The following CELSR1 variants were observed in gnomAD, a reference collection of about 807,000 sequenced individuals.
The protein encoded by CELSR1 is adhesion G protein-coupled receptor C1.
Under a neutral mutation model 249.1 loss-of-function variants are expected in CELSR1, and 110 were observed. The observed-to-expected ratio is 0.44, with a 90% CI of 0.38 to 0.52. The LOEUF (loss-of-function observed/expected upper bound fraction) is 0.52. Among genes scored for constraint, CELSR1 ranks in the 20% least tolerant of loss-of-function variants. The pLI, the probability that CELSR1 is intolerant of heterozygous loss-of-function variation, is 0.00. For missense variants in CELSR1, 4,109 were observed against 4,296.4 expected (o/e 0.96, Z 1.22); for synonymous variants, 2,113 against 1,900.0 (o/e 1.11, Z -2.92).
chr22:46,383,952 A>G (rs1016599913), intron 20 of CELSR1, among the ~76,000 whole-genome samples: 6 of 151,788 alleles, frequency 4.0e-5, no homozygotes, highest in Non-Finnish European at 5.9e-5. Context: ...GCTTGGGAAC[A>G]TTTTGGAATT....
intron 25 of CELSR1, among the ~76,000 whole-genome samples, chr22:46,371,935 A>G (rs1355117469): frequency 7.2e-6 from 1 of 139,800 alleles, no homozygotes; most frequent in Non-Finnish European, 1.5e-5. Context: ...CCATCTGCTC[A>G]CTCACTCAGC....
chr22:46,389,182 C>T, intron 18 of CELSR1, 108 bp downstream of exon 18: 2 of 1,241,296 alleles, frequency 1.6e-6, no homozygotes, highest in Non-Finnish European at 2.3e-6. Context: ...ATCCTGGACA[C>T]AACCGTCTTC....
intron 23 of CELSR1, chr22:46,377,514 G>T: frequency 1.9e-6 from 1 of 534,112 alleles, no homozygotes; most frequent in East Asian, 3.3e-5. Context: ...CTGGCTTGGG[G>T]GCCGTTCAGA....
rs114080778 is a variant in CELSR1 at position 46,454,711 on chromosome 22, G to A, written c.4183+8996C>T. ...CCCTCTGCTCCTGCGCTTAGCGTTC[G>A]CAAAGGTAAACACATCGCAGAAACC... On this transcript the variant is annotated intron_variant, in intron 2 of 34. Coordinates refer to ENST00000674500, the MANE Select transcript of CELSR1 (RefSeq NM_001378328.1). This position sits in a 1 kb window ranked among gnomAD's most constrained non-coding sequence, Gnocchi z 5.1. 5.1e-3 allele frequency among the ~76,000 whole-genome samples: 783 copies of A among 152,348 alleles called. 11 individuals carry two copies. Among genetic ancestry groups the A allele is most frequent in the African/African-American group, 0.018 (742 of 41,584 alleles).
intron 3 of CELSR1, among the ~76,000 whole-genome samples, chr22:46,438,589 A>G (rs978253745): frequency 2.0e-5 from 3 of 152,232 alleles, no homozygotes; most frequent in African/African-American, 7.2e-5. Context: ...ATAATCTCAG[A>G]CATACAGAAT....
chr22:46,420,529 T>G (rs1277452197), intron 5 of CELSR1, among the ~76,000 whole-genome samples: 1 of 152,182 alleles, frequency 6.6e-6, no homozygotes, highest in Non-Finnish European at 1.5e-5. Context: ...TCATTCATAC[T>G]TGCATGTGCA....
intron 13 of CELSR1, among the ~76,000 whole-genome samples, chr22:46,394,779 C>T (rs547736428): frequency 2.6e-5 from 4 of 152,318 alleles, no homozygotes; most frequent in East Asian, 1.9e-4. Flanking sequence ...CTTAGGACGG[C>T]GGCATGCGCC....
rs1328598528 is a variant in CELSR1, at chr22:46,409,098, G to T, written c.5124C>A (p.Ile1708=). ...GCCCCAGGTACCAGGGCACAGAGAT[G>T]ATGATGTTCAGGTCACTCCAGGACA... ...SVVSWSDLNI[I]ISVPWYLGLM... The change falls in exon 9 of 35, where the codon ATC becomes ATA. Residue 1708 remains isoleucine (I), a synonymous_variant. Coordinates refer to ENST00000674500, the MANE Select transcript of CELSR1 (RefSeq NM_001378328.1). This position sits in a 1 kb window ranked among gnomAD's most constrained non-coding sequence, Gnocchi z 9.8. The T allele has an allele frequency of 6.2e-7, 1 of 1,611,910 alleles. No individual in the cohort carries two copies. Among genetic ancestry groups the T allele is most frequent in the South Asian group, 1.1e-5 (1 of 90,898 alleles).
At chr22:46,438,079 C>G (rs1884490386) in intron 3 of CELSR1, among the ~76,000 whole-genome samples, 1 of 152,122 alleles carries the variant, frequency 6.6e-6, no homozygotes, top group Non-Finnish European at 1.5e-5. Context: ...CACACGTACA[C>G]CGCTGGCGAC....
chr22:46,421,899 G>A (rs1025107993), intron 5 of CELSR1, among the ~76,000 whole-genome samples: 3 of 152,210 alleles, frequency 2.0e-5, no homozygotes, highest in Non-Finnish European at 4.4e-5. Context: ...AACACCTGGG[G>A]AGCATCCCCA....
rs929219199 is a variant in CELSR1, at chr22:46,488,760, T to A, written c.3545-24415A>T. On this transcript the variant is annotated intron_variant, in intron 1 of 34. Coordinates refer to ENST00000674500, the MANE Select transcript of CELSR1 (RefSeq NM_001378328.1). The surrounding 1 kb of genome is among the most constrained non-coding windows in gnomAD (Gnocchi z 4.7). ...CTGCAAGCTCCACCTCCCAGGTTCA[T>A]GCCATTCTCCTGCCTCAGCCTCCCG... 2.0e-5 allele frequency among the ~76,000 whole-genome samples: 3 copies of A among 151,524 alleles called. No homozygotes were observed. The highest frequency in any genetic ancestry group is 7.3e-5 in the African/African-American group (3 of 41,192).
At chr22:46,528,167 C>T (rs969226354) in intron 1 of CELSR1, among the ~76,000 whole-genome samples, 1 of 151,920 alleles carries the variant, frequency 6.6e-6, no homozygotes, top group African/African-American at 2.4e-5. Context: ...CGCTGCCATG[C>T]ATCCAGACAA....
intron 1 of CELSR1, among the ~76,000 whole-genome samples, chr22:46,489,073 C>T (rs1231153653): frequency 1.3e-5 from 2 of 152,136 alleles, no homozygotes; most frequent in African/African-American, 4.8e-5. Context: ...CACCTTCCTG[C>T]TGGTCACCCA....
At chr22:46,397,138 C>T (rs1272085163) in intron 12 of CELSR1, among the ~76,000 whole-genome samples, 1 of 152,124 alleles carries the variant, frequency 6.6e-6, no homozygotes, top group African/African-American at 2.4e-5. Context: ...GAGTCTTGCT[C>T]TGTTGCCCAG....
In CELSR1 at chr22:46,430,254, C is replaced by G. The variant is rs2079579467; in HGVS notation, c.4611+3139G>C. Reference sequence around the variant, plus strand: ...GCCCGCACCAATGCTTCCACCCTCTCCAGACTGCTGTATGCTGAATTTTTT... The same window carrying G: ...GCCCGCACCAATGCTTCCACCCTCTGCAGACTGCTGTATGCTGAATTTTTT... On this transcript the variant is annotated intron_variant, in intron 5 of 34. Transcript: ENST00000674500. The surrounding 1 kb of genome is among the most constrained non-coding windows in gnomAD (Gnocchi z 4.6). Among the ~76,000 whole-genome samples, 1 of 152,216 alleles carries G rather than the reference C, an allele frequency of 6.6e-6. No homozygotes were observed. Among genetic ancestry groups the G allele is most frequent in the Non-Finnish European group, 1.5e-5 (1 of 68,044 alleles).
rs181053939 is a variant in CELSR1, at chr22:46,478,325, G to A, written c.3545-13980C>T. Among the ~76,000 whole-genome samples, 239 of 152,300 alleles carry A rather than the reference G, an allele frequency of 1.6e-3. 1 individual carries two copies. Among genetic ancestry groups the A allele is most frequent in the Non-Finnish European group, 2.7e-3 (182 of 68,022 alleles). On this transcript the variant is annotated intron_variant, in intron 1 of 34. Transcript: ENST00000674500. The stretch of plus-strand genomic sequence containing the variant: ...GCCAGAACCAGAAAGCCACCTCTCT[G>A]CCCTCGTCCTGGAAAAATGGGCCAA...
chr22:46,389,528 G>A (rs1313549823), intron 17 of CELSR1, 29 bp from the exon 18 acceptor site: 1 of 1,609,482 alleles, frequency 6.2e-7, no homozygotes, highest in South Asian at 1.1e-5. Flanking sequence ...CGTGATGTGT[G>A]CAAACCCACT....
At chr22:46,513,081 C>T (rs1158124680) in intron 1 of CELSR1, among the ~76,000 whole-genome samples, 1 of 152,176 alleles carries the variant, frequency 6.6e-6, no homozygotes, top group Non-Finnish European at 1.5e-5. Flanking sequence ...CAGTGAGTGA[C>T]TTCTGGGGCG....
In CELSR1 at chr22:46,411,525, C is replaced by A; in HGVS notation, c.4769+77G>T. ...CTGCACCCAGAGTGCCTACGTGGGG[C>A]CCTGCCCTGGGAAGGCCGCAGGGTG... On this transcript the variant is annotated intron_variant, in intron 6 of 34. Transcript: ENST00000674500. This position sits in a 1 kb window ranked among gnomAD's most constrained non-coding sequence, Gnocchi z 4.2. 1 of 1,556,142 alleles carries A rather than the reference C, an allele frequency of 6.4e-7. No homozygotes were observed. The highest frequency in any genetic ancestry group is 8.7e-7 in the Non-Finnish European group (1 of 1,145,576).
Sources: allele counts gnomAD v4.1 joint callset (sites outside exome capture counted in the v4.1 genomes callset), GRCh38; gene constraint gnomAD v4.1.1; non-coding constraint Gnocchi (gnomAD v3.1); transcripts MANE v1.5; gene names NCBI Gene and HGNC (gene_info 2026-07-23, HGNC 2026-07-21).